ANKRD44: variants seen among roughly 807,000 people sequenced by gnomAD.
ANKRD44 encodes the protein ankyrin repeat domain 44.
ANKRD44 carries 35 observed loss-of-function variants against 116.0 expected under a neutral mutation model. That is an observed-to-expected ratio of 0.30 (90% CI 0.23 to 0.40). ANKRD44 has a LOEUF of 0.40. ANKRD44 is among the 10% of genes least tolerant of loss of function. ANKRD44 has a pLI of 1.00. For synonymous variants in ANKRD44, 435 were observed against 461.8 expected (o/e 0.94, Z 0.74); for missense variants, 1,014 against 1,242.6 (o/e 0.82, Z 2.77).
intron 16 of ANKRD44, among the ~76,000 whole-genome samples, chr2:197,027,680 ATTTTTT>A (rs34502554): frequency 7.9e-6 from 1 of 125,904 alleles, no homozygotes. Context: ...ATGCCTGAGA[ATTTTTT>A]TTTTTTTTTT....
chr2:196,976,876 G>C (rs751327460), intron 21 of ANKRD44, among the ~76,000 whole-genome samples: 1 of 146,704 alleles, frequency 6.8e-6, no homozygotes, highest in Non-Finnish European at 1.5e-5. Context: ...TCAAAAGAAG[G>C]AAGGAAGGAA....
rs75955462 is a variant in ANKRD44, at chr2:197,156,290, G to A, written c.112-9185C>T. ...GAACCCGGGAGGCGGAGCTTGCAGCGAGTGGAGATTGCACCACTGCACTCC... is the reference window on the plus strand; with the variant it reads ...GAACCCGGGAGGCGGAGCTTGCAGCAAGTGGAGATTGCACCACTGCACTCC... On this transcript the variant is annotated intron_variant, in intron 2 of 27. Coordinates refer to ENST00000282272, the MANE Select transcript of ANKRD44 (RefSeq NM_001195144.2). 2.4e-3 allele frequency among the ~76,000 whole-genome samples: 366 copies of A among 151,742 alleles called. 5 individuals carry two copies. Among genetic ancestry groups the A allele is most frequent in the Admixed American group, 0.019 (293 of 15,266 alleles).
intron 9 of ANKRD44, among the ~76,000 whole-genome samples, chr2:197,107,237 T>C (rs1470700746): frequency 4.6e-5 from 7 of 152,240 alleles, no homozygotes; most frequent in Non-Finnish European, 1.0e-4. Context: ...AAATCTCACA[T>C]TGACTCATCC....
chr2:197,085,181 A>G (rs2077891075), intron 13 of ANKRD44, among the ~76,000 whole-genome samples: 1 of 152,170 alleles, frequency 6.6e-6, no homozygotes, highest in African/African-American at 2.4e-5. Flanking sequence ...CTCTCTCACT[A>G]GTTGATTTTT....
intron 1 of ANKRD44, among the ~76,000 whole-genome samples, chr2:197,191,863 G>T (rs2080832049): frequency 6.6e-6 from 1 of 152,060 alleles, no homozygotes; most frequent in Admixed American, 6.5e-5. Flanking sequence ...TGAGGATCCA[G>T]GTTTTAGAAA....
chr2:197,163,023 G>GT (rs1181244220), intron 2 of ANKRD44, among the ~76,000 whole-genome samples: 16 of 151,940 alleles, frequency 1.1e-4, no homozygotes, highest in Non-Finnish European at 2.2e-4. Flanking sequence ...CAATGGCTTG[G>GT]TTTTTTTTGT....
intron 4 of ANKRD44, among the ~76,000 whole-genome samples, chr2:197,133,685 G>A (rs2079144144): frequency 6.6e-6 from 1 of 152,172 alleles, no homozygotes; most frequent in Non-Finnish European, 1.5e-5. Context: ...CTTGACAAGT[G>A]CTAACAGTTA....
At chr2:197,088,648 TAAGTC>T (rs146161383) in intron 12 of ANKRD44, 58 bp downstream of exon 12, 1,102,003 of 1,178,366 alleles carry the variant, frequency 0.94, 521,286 homozygotes, top group East Asian at 1. Flanking sequence ...ACAGACAACT[TAAGTC>T]AAGTCAATAA....
intron 4 of ANKRD44, 173 bp downstream of exon 4, chr2:197,136,419 G>T: frequency 1.6e-6 from 1 of 639,856 alleles, no homozygotes; most frequent in South Asian, 1.9e-5. Context: ...GCCCCACTCA[G>T]CACTATGTCT....
At chr2:196,999,158 CT>C in intron 23 of ANKRD44, 106 bp from the exon 24 acceptor site, 1 of 1,359,474 alleles carries the variant, frequency 7.4e-7, no homozygotes, top group East Asian at 2.5e-5. Flanking sequence ...TTTAAAACTT[CT>C]CAGTTTATAG....
chr2:197,034,241 T>C (rs1195788113), intron 16 of ANKRD44, among the ~76,000 whole-genome samples: 1 of 152,078 alleles, frequency 6.6e-6, no homozygotes, highest in Non-Finnish European at 1.5e-5. Flanking sequence ...TAAGAATACA[T>C]GGCCAAAGAA....
At chr2:197,057,025 C>G (rs1459743744) in intron 16 of ANKRD44, among the ~76,000 whole-genome samples, 1 of 152,218 alleles carries the variant, frequency 6.6e-6, no homozygotes, top group Admixed American at 6.5e-5. Flanking sequence ...AGCTAGGACT[C>G]TCAGTCCAAT....
Position 197,007,933 on chromosome 2 carries a change from G to A in ANKRD44, c.2013-10C>T. On this transcript the variant is annotated splice_polypyrimidine_tract_variant and intron_variant, in intron 19 of 27. Coordinates refer to ENST00000282272, the MANE Select transcript of ANKRD44 (RefSeq NM_001195144.2). ...AAGCATCAGTGGTGTTCTAGGCAGA[G>A]AGATAAAGCAGGCTTTTAAAAAGGA... The A allele has an allele frequency of 6.3e-7, 1 of 1,588,086 alleles. No individual in the cohort carries two copies. Among genetic ancestry groups the A allele is most frequent in the Non-Finnish European group, 8.6e-7 (1 of 1,158,198 alleles).
intron 3 of ANKRD44, among the ~76,000 whole-genome samples, chr2:197,140,635 T>C (rs9808462): frequency 0.12 from 17,708 of 152,192 alleles, 2,697 homozygotes; most frequent in African/African-American, 0.35. Flanking sequence ...ATTTTAAATA[T>C]TGCAAATCTG....
chr2:197,017,889 C>T (rs1315715103), intron 17 of ANKRD44, among the ~76,000 whole-genome samples: 1 of 152,194 alleles, frequency 6.6e-6, no homozygotes, highest in Non-Finnish European at 1.5e-5. Flanking sequence ...AAAAATAGCC[C>T]TTCCCCTCCT....
intron 1 of ANKRD44, among the ~76,000 whole-genome samples, chr2:197,309,706 T>G (rs1234462701): frequency 6.6e-6 from 1 of 152,098 alleles, no homozygotes. Flanking sequence ...CCTTTTTTCG[T>G]GGAAAGAGCT....
At chr2:197,263,030 A>C in intron 1 of ANKRD44, 1 of 288,170 alleles carries the variant, frequency 3.5e-6, no homozygotes. Context: ...CTGTCTGTGA[A>C]TAATAATGCC....
rs1202436629 is a variant in ANKRD44, at chr2:197,274,008, T to TAGATAGATATAG, written c.27+36569_27+36570insCTATATCTATCT. ...ATATATATATATATATATATATATA[T>TAGATAGATATAG]ATATATATATATATATATATGAATC... is the stretch of plus-strand genomic sequence containing the variant. On this transcript the variant is annotated intron_variant, in intron 1 of 27. Coordinates refer to ENST00000282272, the MANE Select transcript of ANKRD44 (RefSeq NM_001195144.2). Among the ~76,000 whole-genome samples the TAGATAGATATAG allele has an allele frequency of 6.2e-5, 4 of 64,186 alleles. 1 individual carries two copies. The highest frequency in any genetic ancestry group is 5.6e-5 in the Non-Finnish European group (2 of 35,540). 42.1% of individuals were successfully genotyped at this position (64,186 alleles called of 152,430 possible).
At chr2:196,985,595 G>T (rs186759163), downstream of ANKRD44, among the ~76,000 whole-genome samples, 1 of 152,316 alleles carries the variant, frequency 6.6e-6, no homozygotes, top group East Asian at 1.9e-4. Flanking sequence ...GGCAGATGTG[G>T]TATCATCAGA....
Sources: gnomAD v4.1 joint callset for allele counts (sites outside exome capture counted in the v4.1 genomes callset) on GRCh38, gnomAD v4.1.1 for gene constraint, MANE v1.5 for transcripts, NCBI Gene and HGNC (gene_info 2026-07-23, HGNC 2026-07-21) for gene names.